HNF4G: variants seen among roughly 807,000 people sequenced by gnomAD.
HNF4G encodes hepatocyte nuclear factor 4-gamma.
Under a neutral mutation model 50.9 loss-of-function variants are expected in HNF4G, and 21 were observed. That is an observed-to-expected ratio of 0.41 (90% CI 0.29 to 0.59). The LOEUF is 0.59. Among genes scored for constraint, HNF4G ranks in the 20% least tolerant of loss-of-function variants. The pLI is 0.26. For missense variants in HNF4G, 527 were observed against 559.4 expected (o/e 0.94, Z 0.58); for synonymous variants, 198 against 185.6 (o/e 1.07, Z -0.54).
chr8:75,444,439 A>C (rs1401291383), intron 1 of HNF4G, among the ~76,000 whole-genome samples: 1 of 145,380 alleles, frequency 6.9e-6, no homozygotes, highest in Non-Finnish European at 1.5e-5. Flanking sequence ...TATTAACTTT[A>C]AATGTAAATG....
intron 1 of HNF4G, among the ~76,000 whole-genome samples, chr8:75,449,847 G>A (rs1188748921): frequency 6.6e-6 from 1 of 152,080 alleles, no homozygotes; most frequent in Non-Finnish European, 1.5e-5. Flanking sequence ...TATGATACTG[G>A]TTTGAGAAAT....
intron 2 of HNF4G, among the ~76,000 whole-genome samples, chr8:75,497,316 G>T (rs1812796243): frequency 6.6e-6 from 1 of 152,104 alleles, no homozygotes; most frequent in Non-Finnish European, 1.5e-5. Flanking sequence ...CCAGGAGAGG[G>T]CTAGGTACTG....
rs1048318071 is a variant in HNF4G at position 75,486,435 on chromosome 8, T to C, written c.-143-3654T>C. Among the ~76,000 whole-genome samples, 4 of 152,196 alleles carry C rather than the reference T, an allele frequency of 2.6e-5. No homozygotes were observed. The South Asian group carries it at 8.3e-4, about 31-fold the overall frequency. On this transcript the variant is annotated intron_variant, in intron 1 of 10. Coordinates refer to the HNF4G transcript ENST00000354370. Reference sequence around the variant, plus strand: ...ATCTTTCTTTTTCCTTCATTGATCATATACATGTTGAATCTGTGTTATGTA... The same window carrying C: ...ATCTTTCTTTTTCCTTCATTGATCACATACATGTTGAATCTGTGTTATGTA...
At chr8:75,491,360 TGTA>T (rs540922535) in intron 2 of HNF4G, among the ~76,000 whole-genome samples, 144 of 152,272 alleles carry the variant, frequency 9.5e-4, no homozygotes, top group African/African-American at 3.2e-3. Flanking sequence ...GAATAAAAAA[TGTA>T]GTGAGTAATT....
intron 2 of HNF4G, among the ~76,000 whole-genome samples, chr8:75,490,815 T>A (rs1034371559): frequency 3.3e-5 from 5 of 152,236 alleles, no homozygotes; most frequent in African/African-American, 4.8e-5. Context: ...AGATTGCGAT[T>A]GTTCACTTTT....
At chr8:75,555,533 A>G (rs1807089597) in intron 5 of HNF4G, among the ~76,000 whole-genome samples, 1 of 151,858 alleles carries the variant, frequency 6.6e-6, no homozygotes, top group Non-Finnish European at 1.5e-5. Context: ...TATGTTTTAT[A>G]TATGTTTTAT....
Position 75,511,653 on chromosome 8 carries a change from C to T in HNF4G, c.-24+21445C>T, listed in dbSNP as rs369419783. 6.6e-5 allele frequency among the ~76,000 whole-genome samples: 10 copies of T among 152,292 alleles called. No individual in the cohort carries two copies. The East Asian group carries it at 1.5e-3, about 24-fold the overall frequency. On this transcript the variant is annotated intron_variant, in intron 2 of 10. Coordinates refer to the HNF4G transcript ENST00000354370. ...GTCGCCCAGGCTGGACTGCAGTGGG[C>T]GATCTCGGCTCACTGCAAGCTCTGC...
At chr8:75,452,626 G>GAGTTCACT (rs1811612557) in intron 1 of HNF4G, among the ~76,000 whole-genome samples, 1 of 148,252 alleles carries the variant, frequency 6.7e-6, no homozygotes, top group African/African-American at 2.5e-5. Context: ...GGCTGAGGCA[G>GAGTTCACT]GGAAATGGCG....
intron 1 of HNF4G, among the ~76,000 whole-genome samples, chr8:75,417,493 G>A (rs1585823950): frequency 6.6e-6 from 1 of 152,164 alleles, no homozygotes; most frequent in East Asian, 1.9e-4. Flanking sequence ...GCATTAAATA[G>A]GAACCAAGGC....
In HNF4G at chr8:75,409,877, A is replaced by G. The variant is rs565655950; in HGVS notation, c.-144+1715A>G. The stretch of plus-strand genomic sequence containing the variant: ...CAACATCAAAATCGTAGTAAAATAG[A>G]AAAAGAGCCCCCTCCCCATTCCACT... On this transcript the variant is annotated intron_variant, in intron 1 of 10. Transcript: ENST00000354370. Among the ~76,000 whole-genome samples the G allele has an allele frequency of 1.2e-3, 177 of 152,244 alleles. 1 individual carries two copies. The highest frequency in any genetic ancestry group is 4.0e-3 in the African/African-American group (166 of 41,554).
chr8:75,551,271 G>T, intron 3 of HNF4G, 117 bp from the exon 4 acceptor site: 3 of 586,360 alleles, frequency 5.1e-6, no homozygotes, highest in Non-Finnish European at 6.1e-6. Context: ...TTCTTCCAAG[G>T]TCTTTTAGAA....
At chr8:75,431,214 G>A (rs942920589) in intron 1 of HNF4G, among the ~76,000 whole-genome samples, 2 of 152,244 alleles carry the variant, frequency 1.3e-5, no homozygotes, top group Non-Finnish European at 1.5e-5. Flanking sequence ...AGGAGATAGA[G>A]AGGACAGAAA....
chr8:75,543,668 G>T, intron 1 of HNF4G, 143 bp from the exon 2 acceptor site: 1 of 604,642 alleles, frequency 1.7e-6, no homozygotes. Flanking sequence ...GAAGCAGCCA[G>T]CCAGGGGTTA....
chr8:75,566,515 ATAT>A lies in HNF4G; in HGVS notation c.*2423_*2425del, dbSNP rs1429664890. 1 of 152,542 alleles carries A rather than the reference ATAT, an allele frequency of 6.6e-6. No individual in the cohort carries two copies. Among genetic ancestry groups the A allele is most frequent in the African/African-American group, 2.4e-5 (1 of 41,444 alleles). 9.4% of individuals were successfully genotyped at this position (152,542 alleles called of 1,614,324 possible). ...AATAACTATGGTCAGGGAATTTATAATATTATATTTTTATATACTGAACTGCCA... is the reference window on the plus strand; with the variant it reads ...AATAACTATGGTCAGGGAATTTATAATATATTTTTATATACTGAACTGCCA... On this transcript the variant is annotated 3_prime_UTR_variant, in exon 10 of 10. Coordinates refer to ENST00000396423, the MANE Select transcript of HNF4G (RefSeq NM_004133.5).
At chr8:75,503,702 A>T (rs181107533) in intron 2 of HNF4G, among the ~76,000 whole-genome samples, 1 of 152,210 alleles carries the variant, frequency 6.6e-6, no homozygotes, top group Non-Finnish European at 1.5e-5. Flanking sequence ...TCTGACAAAG[A>T]GGAGTGGAGT....
chr8:75,496,604 T>C lies in HNF4G; in HGVS notation c.-24+6396T>C, dbSNP rs147525900. ...GGATTTCTTAATCTTGCATCTCTTC[T>C]TACCACTTAATTTATTAAAAAAAGA... On this transcript the variant is annotated intron_variant, in intron 2 of 10. Coordinates refer to the HNF4G transcript ENST00000354370. 1.3e-4 allele frequency among the ~76,000 whole-genome samples: 20 copies of C among 152,142 alleles called. No homozygotes were observed. The East Asian group carries it at 3.9e-3, about 29-fold the overall frequency.
chr8:75,530,059 A>T (rs2941452), intron 2 of HNF4G, among the ~76,000 whole-genome samples: 2 of 151,660 alleles, frequency 1.3e-5, no homozygotes, highest in South Asian at 4.1e-4. Context: ...GTGCCACAGG[A>T]TCCTGGAGCA....
intron 9 of HNF4G, among the ~76,000 whole-genome samples, chr8:75,562,458 C>T (rs1388235860): frequency 1.3e-5 from 2 of 152,000 alleles, no homozygotes; most frequent in Non-Finnish European, 2.9e-5. Flanking sequence ...TTTCATTTAA[C>T]AGATAATCAA....
At chr8:75,451,063 C>T (rs983807546) in intron 1 of HNF4G, among the ~76,000 whole-genome samples, 3 of 152,126 alleles carry the variant, frequency 2.0e-5, no homozygotes, top group Non-Finnish European at 4.4e-5. Context: ...TATGGCAACA[C>T]AAAACAGACT....
Sources: gnomAD v4.1 joint callset for allele counts (sites outside exome capture counted in the v4.1 genomes callset) on GRCh38, gnomAD v4.1.1 for gene constraint, MANE v1.5 for transcripts, NCBI Gene and HGNC (gene_info 2026-07-23, HGNC 2026-07-21) for gene names.